Variants in C1QTNF3 observed in about 807,000 individuals in gnomAD.
C1QTNF3 encodes C1q and TNF related 3, also known as complement C1q tumor necrosis factor-related protein 3.
In C1QTNF3, 26 loss-of-function variants were observed where a neutral mutation model predicts 32.6. The observed-to-expected ratio is 0.80, with a 90% CI of 0.58 to 1.11. The LOEUF is 1.11. Among genes scored for constraint, C1QTNF3 ranks in the 50% least tolerant of loss-of-function variants. The pLI, the probability that C1QTNF3 is intolerant of heterozygous loss-of-function variation, is 0.00. For missense variants in C1QTNF3, 362 were observed against 398.2 expected (o/e 0.91, Z 0.77); for synonymous variants, 155 against 146.0 (o/e 1.06, Z -0.44).
upstream of C1QTNF3, among the ~76,000 whole-genome samples, chr5:34,044,829 C>T (rs1406810499): frequency 6.6e-6 from 1 of 152,182 alleles, no homozygotes; most frequent in Non-Finnish European, 1.5e-5. Context: ...CTAAACCTTC[C>T]TCACTGGAGG....
At chr5:34,126,068 A>G in the C1QTNF3 span, among the ~76,000 whole-genome samples, 1 of 152,266 alleles carries the variant, frequency 6.6e-6, no homozygotes, top group African/African-American at 2.4e-5. Context: ...AAATGCAAAT[A>G]ACAACATAAA....
the C1QTNF3 span, among the ~76,000 whole-genome samples, chr5:34,138,715 T>A: frequency 6.6e-6 from 1 of 152,206 alleles, no homozygotes; most frequent in East Asian, 1.9e-4. Context: ...TGAGGTACAT[T>A]AATCAATTTG....
the C1QTNF3 span, among the ~76,000 whole-genome samples, chr5:34,133,097 A>G: frequency 6.6e-6 from 1 of 152,198 alleles, no homozygotes; most frequent in Non-Finnish European, 1.5e-5. Context: ...CACCTGGCAT[A>G]TTAACAGTGT....
the C1QTNF3 span, among the ~76,000 whole-genome samples, chr5:34,183,928 G>A: frequency 8.7e-4 from 128 of 146,944 alleles, no homozygotes; most frequent in Middle Eastern, 7.5e-3. Flanking sequence ...GTGAGTTATA[G>A]TATGTAATTA....
the C1QTNF3 span, among the ~76,000 whole-genome samples, chr5:34,111,214 T>C: frequency 2.0e-5 from 3 of 152,034 alleles, no homozygotes; most frequent in East Asian, 5.8e-4. Context: ...GGACATTTTT[T>C]ATTAAATCTT....
At chr5:34,039,851 G>A (rs1269832829) in intron 1 of C1QTNF3, among the ~76,000 whole-genome samples, 1 of 152,218 alleles carries the variant, frequency 6.6e-6, no homozygotes, top group Non-Finnish European at 1.5e-5. Flanking sequence ...TCAGCTCCAG[G>A]AGATGAAGTT....
At chr5:34,174,739 C>G in the C1QTNF3 span, among the ~76,000 whole-genome samples, 26 of 152,092 alleles carry the variant, frequency 1.7e-4, 1 homozygote, top group Admixed American at 1.3e-4. Flanking sequence ...ATCTTATTGT[C>G]TTTGAAGACC....
the C1QTNF3 span, among the ~76,000 whole-genome samples, chr5:34,178,076 G>A: frequency 2.3e-3 from 304 of 130,294 alleles, no homozygotes; most frequent in Middle Eastern, 5.1e-3. Flanking sequence ...AGACCAGCCT[G>A]ACCAACATGG....
the C1QTNF3 span, among the ~76,000 whole-genome samples, chr5:34,052,024 G>C: frequency 6.6e-6 from 1 of 152,188 alleles, no homozygotes; most frequent in African/African-American, 2.4e-5. Context: ...TGTAATCCCA[G>C]CTACTCGGGA....
At chr5:34,071,082 A>C in the C1QTNF3 span, among the ~76,000 whole-genome samples, 1 of 152,218 alleles carries the variant, frequency 6.6e-6, no homozygotes, top group Non-Finnish European at 1.5e-5. Context: ...CCCAGCTTTA[A>C]CAGATTAACA....
chr5:34,020,855 T>A, intron 5 of C1QTNF3, 113 bp from the exon 6 acceptor site: 1 of 1,100,498 alleles, frequency 9.1e-7, no homozygotes, highest in Non-Finnish European at 1.3e-6. Context: ...TGCGGCTAAG[T>A]TCTCTAAACA....
chr5:34,231,711 T>A, the C1QTNF3 span, among the ~76,000 whole-genome samples: 1 of 152,142 alleles, frequency 6.6e-6, no homozygotes, highest in Middle Eastern at 3.4e-3. Flanking sequence ...GGAACCTCCA[T>A]CTAGATTTCA....
chr5:34,021,993 T>A (rs1754341337), intron 5 of C1QTNF3, among the ~76,000 whole-genome samples: 1 of 152,166 alleles, frequency 6.6e-6, no homozygotes, highest in South Asian at 2.1e-4. Flanking sequence ...ATCTGATGGA[T>A]TAAAAATATT....
At chr5:34,058,079 AC>A in the C1QTNF3 span, among the ~76,000 whole-genome samples, 2 of 152,182 alleles carry the variant, frequency 1.3e-5, no homozygotes, top group Non-Finnish European at 2.9e-5. Flanking sequence ...GCACGTATCT[AC>A]CACACTTGCA....
chr5:34,221,586 T>C, the C1QTNF3 span, among the ~76,000 whole-genome samples: 1 of 152,114 alleles, frequency 6.6e-6, no homozygotes, highest in Non-Finnish European at 1.5e-5. Context: ...TGAACTCTTT[T>C]ATGCAAGTAC....
At chr5:34,176,813 C>T in the C1QTNF3 span, among the ~76,000 whole-genome samples, 1 of 151,930 alleles carries the variant, frequency 6.6e-6, no homozygotes, top group Admixed American at 6.6e-5. Flanking sequence ...GCTGTGTTTG[C>T]ACCACTACAC....
the C1QTNF3 span, among the ~76,000 whole-genome samples, chr5:34,052,010 C>T: frequency 5.9e-5 from 9 of 152,268 alleles, no homozygotes; most frequent in East Asian, 1.9e-4. Flanking sequence ...TGGTGGCAGG[C>T]GCCTGTAATC....
Position 34,033,468 on chromosome 5 carries a change from C to G in C1QTNF3, c.416-10G>C. On this transcript the variant is annotated splice_polypyrimidine_tract_variant and intron_variant, in intron 2 of 5. Transcript: ENST00000382065. Reference sequence around the variant, plus strand: ...TTGTTTCCATGGTTTCCTTAAACAACCAGACATCATCACATGAGAAAACCC... The same window carrying G: ...TTGTTTCCATGGTTTCCTTAAACAAGCAGACATCATCACATGAGAAAACCC... 6.2e-7 allele frequency: 1 copy of G among 1,614,150 alleles called. No individual in the cohort carries two copies. Among genetic ancestry groups the G allele is most frequent in the Non-Finnish European group, 8.5e-7 (1 of 1,180,014 alleles).
At chr5:34,027,611 T>A (rs1754496395) in intron 4 of C1QTNF3, among the ~76,000 whole-genome samples, 1 of 151,530 alleles carries the variant, frequency 6.6e-6, no homozygotes, top group Non-Finnish European at 1.5e-5. Context: ...GTGGGGAGGA[T>A]CGCTTGAGCT....
Sources: allele counts gnomAD v4.1 joint callset (sites outside exome capture counted in the v4.1 genomes callset), GRCh38; gene constraint gnomAD v4.1.1; transcripts MANE v1.5; gene names NCBI Gene and HGNC (gene_info 2026-07-23, HGNC 2026-07-21).